DRAM1: variants seen among roughly 807,000 people sequenced by gnomAD.
DRAM1 encodes the protein DNA damage regulated autophagy modulator 1, also known as DNA damage-regulated autophagy modulator protein 1.
Under a neutral mutation model 28.5 loss-of-function variants are expected in DRAM1, and 25 were observed. The ratio of observed to expected loss-of-function variants is 0.88; its 90% CI spans 0.64 to 1.23. The LOEUF is 1.23. Among genes scored for constraint, DRAM1 ranks in the 50% most tolerant of loss-of-function variants. DRAM1 has a pLI of 0.00. For synonymous variants in DRAM1, 113 were observed against 114.2 expected, an observed-to-expected ratio of 0.99 and a Z score of 0.07; for missense variants, 249 against 299.2, an observed-to-expected ratio of 0.83 and a Z score of 1.24.
intron 2 of DRAM1, among the ~76,000 whole-genome samples, chr12:101,900,213 C>T (rs1873545874): frequency 6.6e-6 from 1 of 152,170 alleles, no homozygotes; most frequent in Admixed American, 6.5e-5. Flanking sequence ...CTATCCTCCT[C>T]ACATCATACA....
At chr12:101,901,573 T>A in intron 3 of DRAM1, 140 bp downstream of exon 3, 1 of 1,025,540 alleles carries the variant, frequency 9.8e-7, no homozygotes. Context: ...GTTAGTTTGC[T>A]TTTTAGAAAC....
At chr12:101,882,272 C>G (rs7968900) in intron 1 of DRAM1, among the ~76,000 whole-genome samples, 97,056 of 150,192 alleles carry the variant, frequency 0.65, 33,191 homozygotes, top group East Asian at 0.89. Context: ...CCCCTCCCGG[C>G]TAATTTTTTG....
At chr12:101,885,194 G>T (rs574331323) in intron 1 of DRAM1, among the ~76,000 whole-genome samples, 1 of 152,286 alleles carries the variant, frequency 6.6e-6, no homozygotes, top group South Asian at 2.1e-4. Context: ...GATAACAGGC[G>T]TGAGCCACCA....
chr12:101,886,913 A>T (rs1423784594), intron 1 of DRAM1, among the ~76,000 whole-genome samples: 1 of 152,164 alleles, frequency 6.6e-6, no homozygotes, highest in African/African-American at 2.4e-5. Context: ...TGGGAGGCTG[A>T]GGTGGGCGGA....
Position 101,922,695 on chromosome 12 carries a change from A to G in DRAM1, c.*1435A>G, listed in dbSNP as rs1438269755. On this transcript the variant is annotated 3_prime_UTR_variant, in exon 7 of 7. Coordinates refer to ENST00000258534, the MANE Select transcript of DRAM1 (RefSeq NM_018370.3). The stretch of plus-strand genomic sequence containing the variant: ...CCCTTTAATAAAGCCAAGTAGAGAA[A>G]TCTGGCAATAAAAGGCAAATGTAAG... 6.6e-6 allele frequency: 1 copy of G among 152,248 alleles called. No homozygotes were observed. The highest frequency in any genetic ancestry group is 1.5e-5 in the Non-Finnish European group (1 of 68,046). The allele number at this position is 152,248 out of a possible 1,614,324, so 9.4% of individuals were successfully genotyped here.
At chr12:101,883,566 G>A (rs1037153986) in intron 1 of DRAM1, among the ~76,000 whole-genome samples, 1 of 150,618 alleles carries the variant, frequency 6.6e-6, no homozygotes, top group African/African-American at 2.4e-5. Flanking sequence ...CGCCCACCTC[G>A]GCCTCCCAAA....
At chr12:101,911,763 C>T (rs991453793) in intron 4 of DRAM1, among the ~76,000 whole-genome samples, 1 of 149,844 alleles carries the variant, frequency 6.7e-6, no homozygotes, top group African/African-American at 2.5e-5. Context: ...TATTATTACA[C>T]ATTGAAATGA....
chr12:101,909,257 G>A (rs950941413), intron 4 of DRAM1, among the ~76,000 whole-genome samples: 25 of 117,334 alleles, frequency 2.1e-4, no homozygotes, highest in Non-Finnish European at 2.4e-4. Context: ...GTGAAACTCC[G>A]TCTCAAAAAA....
intron 3 of DRAM1, among the ~76,000 whole-genome samples, chr12:101,904,558 C>T (rs1873732996): frequency 6.7e-6 from 1 of 149,886 alleles, no homozygotes; most frequent in Non-Finnish European, 1.5e-5. Context: ...TCTCCTGCCT[C>T]AGCCTCCCAA....
chr12:101,878,125 G>A (rs1462531368), intron 1 of DRAM1, among the ~76,000 whole-genome samples: 1 of 152,138 alleles, frequency 6.6e-6, no homozygotes, highest in African/African-American at 2.4e-5. Context: ...GCCTGTACCC[G>A]GAGCATGGAA....
At chr12:101,897,832 TA>T in intron 1 of DRAM1, 30 bp from the exon 2 acceptor site, 1 of 1,538,278 alleles carries the variant, frequency 6.5e-7, no homozygotes, top group Non-Finnish European at 9.0e-7. Flanking sequence ...AATTTCTTTC[TA>T]ATAATTTGGA....
chr12:101,917,164 G>A (rs1422281978), intron 5 of DRAM1, among the ~76,000 whole-genome samples: 1 of 152,214 alleles, frequency 6.6e-6, no homozygotes, highest in African/African-American at 2.4e-5. Context: ...AGAAGCCAAT[G>A]GCAAGAAGTT....
At chr12:101,886,013 A>G (rs1872874992) in intron 1 of DRAM1, among the ~76,000 whole-genome samples, 1 of 152,192 alleles carries the variant, frequency 6.6e-6, no homozygotes, top group Non-Finnish European at 1.5e-5. Flanking sequence ...TTTGTGTCAT[A>G]TGGTCCTGTT....
intron 3 of DRAM1, among the ~76,000 whole-genome samples, chr12:101,901,927 C>T (rs1177272737): frequency 1.3e-5 from 2 of 149,650 alleles, no homozygotes; most frequent in Admixed American, 1.3e-4. Flanking sequence ...AAATGGGGTG[C>T]ACATTTGCAT....
intron 1 of DRAM1, among the ~76,000 whole-genome samples, chr12:101,887,328 C>T (rs1872922145): frequency 6.6e-6 from 1 of 152,052 alleles, no homozygotes; most frequent in Non-Finnish European, 1.5e-5. Flanking sequence ...AGACTTCCCT[C>T]CACTTTAAAG....
rs1390986318 is a variant in DRAM1 at position 101,921,218 on chromosome 12, T to G, written c.675T>G (p.Ser225Arg). ...YFLTFIQDFQSVTLRISTEIN... is the reference protein window; with the variant it reads ...YFLTFIQDFQRVTLRISTEIN... ...TTCTCTTTCATTTTTAAAAATAGAG[T>G]GTCACCCTAAGGATATCCACAGAAA... Residue 225 changes from serine (S) to arginine (R), a missense_variant and splice_region_variant, in exon 7 of 7, where the codon AGT becomes AGG. Physicochemically the swap from Ser to Arg is moderately radical, Grantham distance 110. Transcript: ENST00000258534. 6.3e-7 allele frequency: 1 copy of G among 1,598,210 alleles called. No individual in the cohort carries two copies. Among genetic ancestry groups the G allele is most frequent in the Non-Finnish European group, 8.6e-7 (1 of 1,165,610 alleles).
At chr12:101,915,384 A>G (rs1021246215) in intron 5 of DRAM1, among the ~76,000 whole-genome samples, 2 of 152,096 alleles carry the variant, frequency 1.3e-5, no homozygotes, top group Non-Finnish European at 2.9e-5. Context: ...TGGAATGTTA[A>G]GTAGAGAGGA....
chr12:101,892,279 A>G (rs1873163603), intron 1 of DRAM1, among the ~76,000 whole-genome samples: 1 of 151,446 alleles, frequency 6.6e-6, no homozygotes, highest in South Asian at 2.1e-4. Context: ...TGTGTCGCCC[A>G]GGCTGGTATG....
Position 101,918,611 on chromosome 12 carries a change from G to A in DRAM1, c.580-1498G>A, listed in dbSNP as rs540907038. Among the ~76,000 whole-genome samples the A allele has an allele frequency of 2.0e-5, 3 of 152,310 alleles. No individual in the cohort carries two copies. The East Asian group carries it at 5.8e-4, about 29-fold the overall frequency. On this transcript the variant is annotated intron_variant, in intron 5 of 6. Coordinates refer to ENST00000258534, the MANE Select transcript of DRAM1 (RefSeq NM_018370.3). ...GAAAACAGGATCAAAGAAAACAACT[G>A]TCACCATGGAGCTGCCCTGTGATCC... is the stretch of plus-strand genomic sequence containing the variant.
Sources: allele counts gnomAD v4.1 joint callset (sites outside exome capture counted in the v4.1 genomes callset), GRCh38; gene constraint gnomAD v4.1.1; transcripts MANE v1.5; gene names NCBI Gene and HGNC (gene_info 2026-07-23, HGNC 2026-07-21).